Variants in MAF observed in about 807,000 individuals in gnomAD.
MAF encodes the protein MAF bZIP transcription factor.
Under a neutral mutation model 22.0 loss-of-function variants are expected in MAF, and 10 were observed. That is an observed-to-expected ratio of 0.45 (90% CI 0.28 to 0.77). The LOEUF (loss-of-function observed/expected upper bound fraction) is 0.77, where lower values mean the gene tolerates loss of function less well. Among genes scored for constraint, MAF ranks in the 30% least tolerant of loss-of-function variants. The pLI is 0.12. For missense variants in MAF, 544 were observed against 548.4 expected (o/e 0.99, Z 0.08); for synonymous variants, 337 against 255.8 (o/e 1.32, Z -3.03).
the MAF span, among the ~76,000 whole-genome samples, chr16:79,457,473 C>A: frequency 2.9e-4 from 43 of 149,784 alleles, no homozygotes; most frequent in Non-Finnish European, 4.7e-4. Context: ...CTAAAAGTGT[C>A]AAGAGCAATA....
chr16:79,371,286 C>G, the MAF span, among the ~76,000 whole-genome samples: 16 of 152,186 alleles, frequency 1.1e-4, no homozygotes, highest in East Asian at 3.1e-3. Flanking sequence ...TGGAAAGTGA[C>G]CCTCCCTTGA....
At chr16:79,554,710 G>A in the MAF span, among the ~76,000 whole-genome samples, 2 of 152,118 alleles carry the variant, frequency 1.3e-5, no homozygotes, top group East Asian at 1.9e-4. Context: ...TTCTCAAGAT[G>A]AGCCCAGAAA....
At chr16:79,519,869 G>A in the MAF span, among the ~76,000 whole-genome samples, 103 of 152,350 alleles carry the variant, frequency 6.8e-4, no homozygotes, top group Middle Eastern at 6.8e-3. Flanking sequence ...CCTGTTGACT[G>A]CTCGCCCATC....
chr16:79,214,698 C>A, the MAF span, among the ~76,000 whole-genome samples: 1 of 134,812 alleles, frequency 7.4e-6, no homozygotes, highest in Non-Finnish European at 1.6e-5. Flanking sequence ...AGCCACTGTG[C>A]CTGGCTTTTT....
the MAF span, among the ~76,000 whole-genome samples, chr16:79,399,170 T>C: frequency 6.6e-6 from 1 of 152,176 alleles, no homozygotes; most frequent in Non-Finnish European, 1.5e-5. Flanking sequence ...CCTTGAGTAA[T>C]TATAGGAAAC....
At chr16:79,504,778 G>T in the MAF span, among the ~76,000 whole-genome samples, 2 of 152,304 alleles carry the variant, frequency 1.3e-5, no homozygotes, top group East Asian at 3.9e-4. Context: ...GACTAAAGAA[G>T]CTGTTCTCTG....
chr16:79,547,771 A>G, the MAF span, among the ~76,000 whole-genome samples: 1 of 152,164 alleles, frequency 6.6e-6, no homozygotes, highest in South Asian at 2.1e-4. Flanking sequence ...TCACATGAAA[A>G]TAAGTCCAAT....
At chr16:79,291,549 G>T in the MAF span, among the ~76,000 whole-genome samples, 18 of 151,190 alleles carry the variant, frequency 1.2e-4, 1 homozygote, top group South Asian at 1.9e-3. Flanking sequence ...GTAACTAGTT[G>T]CTCATATTAA....
At chr16:79,305,151 T>G in the MAF span, among the ~76,000 whole-genome samples, 1 of 152,188 alleles carries the variant, frequency 6.6e-6, no homozygotes, top group Non-Finnish European at 1.5e-5. Context: ...GGCCAGGGGC[T>G]GGTCCCAGGG....
chr16:79,388,386 C>T, the MAF span, among the ~76,000 whole-genome samples: 1 of 152,150 alleles, frequency 6.6e-6, no homozygotes, highest in Admixed American at 6.5e-5. Context: ...GATTTCGTAC[C>T]ACAGAACATT....
chr16:79,598,669 G>T, intron 1 of MAF, 116 bp downstream of exon 1: 1 of 1,546,770 alleles, frequency 6.5e-7, no homozygotes, highest in Non-Finnish European at 8.7e-7. Flanking sequence ...CTCGGTGGGG[G>T]TGGGGGTGGT....
At chr16:79,424,874 T>C in the MAF span, among the ~76,000 whole-genome samples, 2 of 152,182 alleles carry the variant, frequency 1.3e-5, no homozygotes, top group Admixed American at 1.3e-4. Flanking sequence ...AGTCCCAATA[T>C]CTACATATTT....
the MAF span, among the ~76,000 whole-genome samples, chr16:79,549,649 C>G: frequency 1.3e-5 from 2 of 152,082 alleles, no homozygotes; most frequent in African/African-American, 4.8e-5. Context: ...GAAAATGATC[C>G]CCGTTGGTTC....
chr16:79,330,004 C>T, the MAF span, among the ~76,000 whole-genome samples: 1 of 151,938 alleles, frequency 6.6e-6, no homozygotes, highest in African/African-American at 2.4e-5. Context: ...AGCAACTAAT[C>T]AATTGGCAAA....
the MAF span, among the ~76,000 whole-genome samples, chr16:79,278,762 G>T: frequency 6.6e-6 from 1 of 152,096 alleles, no homozygotes; most frequent in Admixed American, 6.5e-5. Flanking sequence ...ACAGGGACCC[G>T]CCCTGACAGG....
chr16:79,303,512 G>A, the MAF span, among the ~76,000 whole-genome samples: 44 of 152,286 alleles, frequency 2.9e-4, no homozygotes, highest in Middle Eastern at 3.4e-3. Flanking sequence ...TTTGACCTTA[G>A]GCGTTGTCTC....
At chr16:79,534,488 C>T in the MAF span, among the ~76,000 whole-genome samples, 4 of 151,702 alleles carry the variant, frequency 2.6e-5, no homozygotes, top group Non-Finnish European at 2.9e-5. Context: ...GAATTACATG[C>T]GATATCCTTT....
At chr16:79,525,117 C>G in the MAF span, among the ~76,000 whole-genome samples, 1 of 151,524 alleles carries the variant, frequency 6.6e-6, no homozygotes, top group African/African-American at 2.4e-5. Flanking sequence ...CGATTTAACG[C>G]TTTTTTTTTC....
At chr16:79,447,970 T>G in the MAF span, among the ~76,000 whole-genome samples, 4 of 149,444 alleles carry the variant, frequency 2.7e-5, no homozygotes, top group African/African-American at 1.0e-4. Flanking sequence ...AGTCTCATAA[T>G]AAAACTTGAA....
Sources: allele counts gnomAD v4.1 joint callset (sites outside exome capture counted in the v4.1 genomes callset), GRCh38; gene constraint gnomAD v4.1.1; transcripts MANE v1.5; gene names NCBI Gene and HGNC (gene_info 2026-07-23, HGNC 2026-07-21).